SLC22A13: variants seen among roughly 807,000 people sequenced by gnomAD.
The protein encoded by SLC22A13 is solute carrier family 22 member 13.
A neutral mutation model predicts 49.1 loss-of-function variants in SLC22A13; 42 were observed. That is an observed-to-expected ratio of 0.85 (90% CI 0.67 to 1.11). SLC22A13 has a LOEUF of 1.11. Ranked by LOEUF, SLC22A13 falls within the 50% of genes least tolerant of loss-of-function variation. The pLI is 0.00. For missense variants in SLC22A13, 694 were observed against 712.8 expected, an observed-to-expected ratio of 0.97 and a Z score of 0.30; for synonymous variants, 282 against 293.1, an observed-to-expected ratio of 0.96 and a Z score of 0.39.
intron 1 of SLC22A13, among the ~76,000 whole-genome samples, chr3:38,269,607 G>A (rs943261824): frequency 2.6e-5 from 4 of 152,102 alleles, no homozygotes; most frequent in African/African-American, 9.7e-5. Flanking sequence ...GTGTGATGGC[G>A]ACAAAAGCTG....
chr3:38,270,019 C>T (rs1418383597), intron 1 of SLC22A13, among the ~76,000 whole-genome samples: 1 of 152,072 alleles, frequency 6.6e-6, no homozygotes, highest in Non-Finnish European at 1.5e-5. Flanking sequence ...TTTCCAATTT[C>T]ATCCATGTCC....
At chr3:38,269,723 A>C (rs1400011729) in intron 1 of SLC22A13, among the ~76,000 whole-genome samples, 1 of 151,506 alleles carries the variant, frequency 6.6e-6, no homozygotes, top group Non-Finnish European at 1.5e-5. Flanking sequence ...ATTTTATTTT[A>C]TTATTATTAT....
At chr3:38,272,093 T>A (rs1259477775) in intron 1 of SLC22A13, among the ~76,000 whole-genome samples, 1 of 152,232 alleles carries the variant, frequency 6.6e-6, no homozygotes, top group Non-Finnish European at 1.5e-5. Context: ...TCTCTGCTGC[T>A]GCACAAGGGG....
Position 38,277,688 on chromosome 3 carries a change from A to G in SLC22A13, c.*223A>G. The G allele has an allele frequency of 2.1e-6, 1 of 485,776 alleles. No homozygotes were observed. Among genetic ancestry groups the G allele is most frequent in the East Asian group, 3.5e-5 (1 of 28,596 alleles). 30.1% of individuals were successfully genotyped at this position (485,776 alleles called of 1,614,324 possible). ...GGCCTCCTTCACCTTTCTCATCTCC[A>G]GAGCCCTGCCCCCAATACTCTGTCT... is the stretch of plus-strand genomic sequence containing the variant. On this transcript the variant is annotated 3_prime_UTR_variant, in exon 10 of 10. Transcript: ENST00000311856.
intron 6 of SLC22A13, 102 bp downstream of exon 6, chr3:38,275,774 C>A: frequency 6.8e-7 from 1 of 1,481,130 alleles, no homozygotes; most frequent in Non-Finnish European, 9.3e-7. Flanking sequence ...GATGGTCTCT[C>A]CCTGGTTGTG....
chr3:38,273,349 C>T (rs770133888), intron 1 of SLC22A13, among the ~76,000 whole-genome samples: 3 of 152,192 alleles, frequency 2.0e-5, no homozygotes, highest in Non-Finnish European at 2.9e-5. Flanking sequence ...GTGTCTCTCT[C>T]TTTCTCTGTC....
intron 1 of SLC22A13, 31 bp from the exon 2 acceptor site, chr3:38,274,241 C>T (rs1334356311): frequency 1.9e-6 from 3 of 1,538,738 alleles, no homozygotes; most frequent in Non-Finnish European, 2.7e-6. Context: ...CTTGCAGCCC[C>T]TGGACTCACA....
intron 1 of SLC22A13, among the ~76,000 whole-genome samples, chr3:38,271,242 A>G (rs1163334351): frequency 1.3e-5 from 2 of 152,086 alleles, no homozygotes; most frequent in African/African-American, 2.4e-5. Flanking sequence ...TTTTCAACCT[A>G]CATTTCCTGG....
chr3:38,267,521 A>G (rs1373344912), intron 1 of SLC22A13, among the ~76,000 whole-genome samples: 1 of 152,106 alleles, frequency 6.6e-6, no homozygotes, highest in African/African-American at 2.4e-5. Context: ...CTGGCCAAAT[A>G]TCATCATTCT....
At chr3:38,269,724 T>C (rs1171916357) in intron 1 of SLC22A13, among the ~76,000 whole-genome samples, 1 of 152,106 alleles carries the variant, frequency 6.6e-6, no homozygotes, top group African/African-American at 2.4e-5. Context: ...TTTTATTTTA[T>C]TATTATTATA....
rs1216453376 is a variant in SLC22A13, at chr3:38,276,909, C to T, written c.1347-3C>T. 7 of 1,612,730 alleles carry T rather than the reference C, an allele frequency of 4.3e-6. No homozygotes were observed. Among genetic ancestry groups the T allele is most frequent in the Admixed American group, 1.7e-5 (1 of 59,920 alleles). On this transcript the variant is annotated splice_polypyrimidine_tract_variant and splice_region_variant and intron_variant, in intron 8 of 9. Coordinates refer to ENST00000311856, the MANE Select transcript of SLC22A13 (RefSeq NM_004256.4). ...TACTTAGCTTGCCCTGGTCTTCCCCCAGGCAGACAGGCATGGGGCTGGTGG... is the reference window on the plus strand; with the variant it reads ...TACTTAGCTTGCCCTGGTCTTCCCCTAGGCAGACAGGCATGGGGCTGGTGG...
chr3:38,276,350 C>G lies in SLC22A13; in HGVS notation c.1301C>G (p.Thr434Ser). 6.2e-7 allele frequency: 1 copy of G among 1,613,868 alleles called. No individual in the cohort carries two copies. Among genetic ancestry groups the G allele is most frequent in the Non-Finnish European group, 8.5e-7 (1 of 1,179,896 alleles). Residue 434 changes from threonine to serine, a missense_variant, in exon 8 of 10, where the codon ACC becomes AGC. Transcript: ENST00000311856. The part of the protein sequence containing the change: ...VGKMATAAAF[T>S]ISYVYSAELF... Reference sequence around the variant, plus strand: ...AAGATGGCCACAGCTGCTGCCTTTACCATCTCCTATGTGTACTCTGCCGAG... The same window carrying G: ...AAGATGGCCACAGCTGCTGCCTTTAGCATCTCCTATGTGTACTCTGCCGAG...
intron 9 of SLC22A13, 43 bp downstream of exon 9, chr3:38,277,170 A>G: frequency 6.9e-7 from 1 of 1,453,026 alleles, no homozygotes; most frequent in South Asian, 1.2e-5. Context: ...TGGGTCTCAC[A>G]TTGGCCACGC....
chr3:38,266,305 C>A, intron 1 of SLC22A13, 67 bp downstream of exon 1: 1 of 1,552,900 alleles, frequency 6.4e-7, no homozygotes, highest in Non-Finnish European at 8.8e-7. Flanking sequence ...CCTGACTCTT[C>A]GCCCTCAGTC....
Position 38,276,088 on chromosome 3 carries a change from T to A in SLC22A13, c.1229T>A (p.Ile410Asn). 1.2e-6 allele frequency: 2 copies of A among 1,613,316 alleles called. No individual in the cohort carries two copies. Among genetic ancestry groups the A allele is most frequent in the Non-Finnish European group, 1.7e-6 (2 of 1,179,604 alleles). ...CTGATGTGTATCATCATCATCTTCA[T>A]CCCAGCAGGTATCAGGGCTGGCTAT... ...GGLMCIIIIF[I>N]PADLPVVVTM... The change falls in exon 7 of 10, where the codon ATC becomes AAC. Residue 410 changes from isoleucine to asparagine, a missense_variant. Coordinates refer to ENST00000311856, the MANE Select transcript of SLC22A13 (RefSeq NM_004256.4).
In SLC22A13 at chr3:38,275,590, A is replaced by G. The variant is rs1208453284; in HGVS notation, c.940A>G (p.Lys314Glu). 1.2e-6 allele frequency: 2 copies of G among 1,613,964 alleles called. No homozygotes were observed. Among genetic ancestry groups the G allele is most frequent in the African/African-American group, 2.7e-5 (2 of 74,920 alleles). ...PELMNQLVPE[K>E]TGPSGNALDL... ...TTCTTCCTCCCAGCTGGTCCCAGAG[A>G]AGACAGGCCCCTCAGGGAATGCCCT... Residue 314 changes from lysine to glutamate, a missense_variant, in exon 6 of 10, where the codon AAG becomes GAG. Lys to Glu is a moderately conservative substitution (Grantham distance 56). Coordinates refer to ENST00000311856, the MANE Select transcript of SLC22A13 (RefSeq NM_004256.4).
rs749938571 is a variant in SLC22A13 at position 38,275,677 on chromosome 3, G to C, written c.1022+5G>C. ...CCTGATTATCTTCTGTGTCTGGTGA[G>C]TGCCCAGAACCCGAGGACAGAACCA... On this transcript the variant is annotated splice_donor_5th_base_variant and intron_variant, in intron 6 of 9. Coordinates refer to ENST00000311856, the MANE Select transcript of SLC22A13 (RefSeq NM_004256.4). 6.2e-7 allele frequency: 1 copy of C among 1,613,178 alleles called. No homozygotes were observed. The highest frequency in any genetic ancestry group is 1.7e-5 in the Admixed American group (1 of 59,984).
chr3:38,267,615 A>G (rs907751964), intron 1 of SLC22A13, among the ~76,000 whole-genome samples: 4 of 152,290 alleles, frequency 2.6e-5, no homozygotes, highest in African/African-American at 9.6e-5. Context: ...ATGCAACCGT[A>G]TTCAGCCAAA....
chr3:38,275,864 C>T lies in SLC22A13; in HGVS notation c.1023-18C>T, dbSNP rs1164087743. On this transcript the variant is annotated intron_variant, in intron 6 of 9. Transcript: ENST00000311856. The stretch of plus-strand genomic sequence containing the variant: ...TCTCGTCACCCAGCAGTGACAGGAA[C>T]CCTTCATTACCTTGTAGGTTTGTGG... 1 of 1,608,574 alleles carries T rather than the reference C, an allele frequency of 6.2e-7. No homozygotes were observed.
Sources: gnomAD v4.1 joint callset for allele counts (sites outside exome capture counted in the v4.1 genomes callset) on GRCh38, gnomAD v4.1.1 for gene constraint, MANE v1.5 for transcripts, NCBI Gene and HGNC (gene_info 2026-07-23, HGNC 2026-07-21) for gene names.